The following NALF1 variants were observed in gnomAD, a reference collection of about 807,000 sequenced individuals.
NALF1 encodes the protein NALCN channel auxiliary factor 1.
A neutral mutation model predicts 48.4 loss-of-function variants in NALF1; 3 were observed. The observed-to-expected ratio is 0.06, with a 90% CI of 0.03 to 0.16. The LOEUF is 0.16. Ranked by LOEUF, NALF1 falls within the 10% of genes least tolerant of loss-of-function variation. NALF1 has a pLI of 1.00. For missense variants in NALF1, 526 were observed against 571.5 expected, an observed-to-expected ratio of 0.92 and a Z score of 0.81; for synonymous variants, 262 against 245.7, an observed-to-expected ratio of 1.07 and a Z score of -0.62.
At chr13:107,639,937 GAATT>G (rs1337492095) in intron 1 of NALF1, among the ~76,000 whole-genome samples, 2 of 152,120 alleles carry the variant, frequency 1.3e-5, no homozygotes, top group African/African-American at 4.8e-5. Flanking sequence ...AAATATTTGA[GAATT>G]ATTTAACACA....
chr13:107,385,257 TTAAAAGCGTATCTGG>T (rs1883507608), intron 1 of NALF1, among the ~76,000 whole-genome samples: 1 of 152,110 alleles, frequency 6.6e-6, no homozygotes, highest in Non-Finnish European at 1.5e-5. Context: ...TTCAATTGTC[TTAAAAGCGTATCTGG>T]CAGGGCGCAG....
At chr13:107,468,410 C>T (rs900627808) in intron 1 of NALF1, among the ~76,000 whole-genome samples, 1 of 152,150 alleles carries the variant, frequency 6.6e-6, no homozygotes, top group Non-Finnish European at 1.5e-5. Context: ...CAACACTCAC[C>T]TGTGTACATG....
intron 1 of NALF1, among the ~76,000 whole-genome samples, chr13:107,397,898 G>A (rs762042625): frequency 6.6e-6 from 1 of 152,110 alleles, no homozygotes; most frequent in Non-Finnish European, 1.5e-5. Context: ...TAAGGCTCAT[G>A]ATATAAATGA....
chr13:107,596,205 G>C (rs1594149754), intron 1 of NALF1, among the ~76,000 whole-genome samples: 1 of 152,092 alleles, frequency 6.6e-6, no homozygotes, highest in Non-Finnish European at 1.5e-5. Context: ...AGAAACTCAA[G>C]TGCCTCCTCA....
chr13:107,659,644 C>T (rs942006500), intron 1 of NALF1, among the ~76,000 whole-genome samples: 4 of 151,254 alleles, frequency 2.6e-5, no homozygotes, highest in Non-Finnish European at 5.9e-5. Flanking sequence ...TAGAGTGGTG[C>T]TTTCTAAATA....
intron 1 of NALF1, among the ~76,000 whole-genome samples, chr13:107,222,268 T>C (rs1048282563): frequency 1.3e-5 from 2 of 152,206 alleles, no homozygotes; most frequent in African/African-American, 4.8e-5. Flanking sequence ...CTATTCCCCA[T>C]AGAAACAACT....
At chr13:107,431,952 T>G (rs1413146647) in intron 1 of NALF1, among the ~76,000 whole-genome samples, 1 of 152,168 alleles carries the variant, frequency 6.6e-6, no homozygotes, top group Non-Finnish European at 1.5e-5. Context: ...CATTGCACCT[T>G]TTTATCAATA....
chr13:107,176,236 T>C (rs1878923878), intron 2 of NALF1, among the ~76,000 whole-genome samples: 1 of 151,868 alleles, frequency 6.6e-6, no homozygotes, highest in African/African-American at 2.4e-5. Context: ...TGTTCTGATA[T>C]ATTTTGCTTA....
At chr13:107,337,331 T>C (rs566837104) in intron 1 of NALF1, among the ~76,000 whole-genome samples, 6 of 152,200 alleles carry the variant, frequency 3.9e-5, no homozygotes, top group Non-Finnish European at 8.8e-5. Flanking sequence ...TTCTTAAACA[T>C]TGAAACCCAG....
chr13:107,770,409 C>A (rs1877546864), intron 1 of NALF1, among the ~76,000 whole-genome samples: 1 of 151,956 alleles, frequency 6.6e-6, no homozygotes, highest in South Asian at 2.1e-4. Context: ...TTTAAAATGT[C>A]AAAAATGATT....
intron 1 of NALF1, among the ~76,000 whole-genome samples, chr13:107,682,192 CTG>C (rs1289649556): frequency 1.3e-5 from 2 of 152,204 alleles, no homozygotes; most frequent in Non-Finnish European, 2.9e-5. Flanking sequence ...TCTAACAACT[CTG>C]TGAAAAGACA....
chr13:107,614,933 C>A (rs1879339142), intron 1 of NALF1, among the ~76,000 whole-genome samples: 1 of 151,972 alleles, frequency 6.6e-6, no homozygotes, highest in African/African-American at 2.4e-5. Flanking sequence ...CCCACCACCA[C>A]ATCTGGCTAA....
chr13:107,445,236 AGC>A (rs1884630346), intron 1 of NALF1, among the ~76,000 whole-genome samples: 2 of 152,314 alleles, frequency 1.3e-5, no homozygotes, highest in South Asian at 2.1e-4. Flanking sequence ...AGCTCTTTAC[AGC>A]CACCCTCTGC....
intron 1 of NALF1, among the ~76,000 whole-genome samples, chr13:107,826,070 T>C (rs1015577270): frequency 1.3e-5 from 2 of 152,194 alleles, no homozygotes; most frequent in South Asian, 2.1e-4. Context: ...TGAGCCACCA[T>C]GCCCAGCCTT....
intron 1 of NALF1, among the ~76,000 whole-genome samples, chr13:107,261,481 A>C (rs1012444108): frequency 1.3e-5 from 2 of 152,196 alleles, no homozygotes. Flanking sequence ...CTTTGGGAGA[A>C]GCTGCCCCCG....
chr13:107,392,440 T>TA (rs1398946413), intron 1 of NALF1, among the ~76,000 whole-genome samples: 16 of 152,204 alleles, frequency 1.1e-4, no homozygotes, highest in African/African-American at 3.6e-4. Context: ...CATGCATCCT[T>TA]TTCCTAACAA....
At chr13:107,569,467 G>A (rs144939493) in intron 1 of NALF1, among the ~76,000 whole-genome samples, 2,732 of 150,792 alleles carry the variant, frequency 0.018, 88 homozygotes, top group African/African-American at 0.062. Context: ...GCGAGACTCC[G>A]TCTCAAAAAA....
At chr13:107,212,430 C>T (rs192020952) in intron 1 of NALF1, among the ~76,000 whole-genome samples, 2 of 152,110 alleles carry the variant, frequency 1.3e-5, no homozygotes, top group Non-Finnish European at 2.9e-5. Flanking sequence ...TTACAATAGC[C>T]GAAGAAACCT....
At chr13:107,676,972 G>A (rs1881146108) in intron 1 of NALF1, among the ~76,000 whole-genome samples, 1 of 152,164 alleles carries the variant, frequency 6.6e-6, no homozygotes, top group Non-Finnish European at 1.5e-5. Context: ...TTATGGCTTT[G>A]ATGAGACACT....
Sources: allele counts gnomAD v4.1 joint callset (sites outside exome capture counted in the v4.1 genomes callset), GRCh38; gene constraint gnomAD v4.1.1; transcripts MANE v1.5; gene names NCBI Gene and HGNC (gene_info 2026-07-23, HGNC 2026-07-21).